Variants in ZER1 observed in about 807,000 individuals in gnomAD.
ZER1 encodes protein zer-1 homolog.
A neutral mutation model predicts 78.8 loss-of-function variants in ZER1; 11 were observed. That is an observed-to-expected ratio of 0.14 (90% CI 0.09 to 0.23). The LOEUF (loss-of-function observed/expected upper bound fraction) is 0.23, where lower values mean the gene tolerates loss of function less well. ZER1 is among the 10% of genes least tolerant of loss of function. The pLI is 1.00. For synonymous variants in ZER1, 400 were observed against 407.0 expected (o/e 0.98, Z 0.21); for missense variants, 588 against 996.9 (o/e 0.59, Z 5.52).
Position 128,753,993 on chromosome 9 carries a change from C to G in ZER1, c.159-34G>C, listed in dbSNP as rs1398127066. 2.6e-5 allele frequency: 40 copies of G among 1,562,168 alleles called. No homozygotes were observed. Among genetic ancestry groups the G allele is most frequent in the Non-Finnish European group, 3.5e-5 (40 of 1,152,922 alleles). On this transcript the variant is annotated intron_variant, in intron 2 of 15. Coordinates refer to ENST00000291900, the MANE Select transcript of ZER1 (RefSeq NM_006336.4). This position sits in a 1 kb window ranked among gnomAD's most constrained non-coding sequence, Gnocchi z 7.5. ...GAAAAAAGCCTGGCTCAGGAGAGGG[C>G]CACAGGGACTCTCATCCTCGCTTCA...
rs2132368322 is a variant in ZER1, at chr9:128,730,595, GGGCTTTCCACAGCCTGGGACCT to G, written c.*720_*741del. The G allele has an allele frequency of 6.5e-6, 1 of 152,880 alleles. No individual in the cohort carries two copies. The highest frequency in any genetic ancestry group is 2.1e-4 in the South Asian group (1 of 4,828). The allele number at this position is 152,880 out of a possible 1,614,324, so 9.5% of individuals were successfully genotyped here. ...CTGAGTTCTGACCATCCCTGGGCTGGGGCTTTCCACAGCCTGGGACCTGGTGGGAGACTAGGAGGCAGCCTCC... is the reference window on the plus strand; with the variant it reads ...CTGAGTTCTGACCATCCCTGGGCTGGGGTGGGAGACTAGGAGGCAGCCTCC... On this transcript the variant is annotated 3_prime_UTR_variant, in exon 16 of 16. Coordinates refer to ENST00000291900, the MANE Select transcript of ZER1 (RefSeq NM_006336.4).
At chr9:128,748,420 A>T (rs1320429061) in intron 8 of ZER1, among the ~76,000 whole-genome samples, 2 of 114,704 alleles carry the variant, frequency 1.7e-5, no homozygotes, top group African/African-American at 6.2e-5. Flanking sequence ...AAAAAAAAAA[A>T]TTAGTTGGGT....
At chr9:128,739,172 A>G in intron 13 of ZER1, among the ~76,000 whole-genome samples, 1 of 151,846 alleles carries the variant, frequency 6.6e-6, no homozygotes, top group Non-Finnish European at 1.5e-5. Context: ...TTTTTCGTAA[A>G]GAGGAAGTCT....
At chr9:128,748,863 T>A (rs73618066) in intron 8 of ZER1, among the ~76,000 whole-genome samples, 1 of 150,398 alleles carries the variant, frequency 6.6e-6, no homozygotes, top group Non-Finnish European at 1.5e-5. Flanking sequence ...TGAGCCACCG[T>A]GGCCAGCTAA....
chr9:128,748,441 A>G (rs1863570347), intron 8 of ZER1, among the ~76,000 whole-genome samples: 1 of 147,808 alleles, frequency 6.8e-6, no homozygotes, highest in Admixed American at 6.9e-5. Context: ...GTGGTGGTAC[A>G]TGCCTTGTTG....
At chr9:128,743,697 G>C (rs1863383636) in intron 8 of ZER1, among the ~76,000 whole-genome samples, 1 of 151,878 alleles carries the variant, frequency 6.6e-6, no homozygotes, top group Admixed American at 6.6e-5. Context: ...TGGGATTCTA[G>C]GCATGAGCAA....
At chr9:128,752,298 T>C (rs1863704895) in intron 5 of ZER1, among the ~76,000 whole-genome samples, 1 of 151,572 alleles carries the variant, frequency 6.6e-6, no homozygotes, top group African/African-American at 2.4e-5. Flanking sequence ...AGCACAGCAC[T>C]TGGCAGAGGG....
rs766261147 is a variant in ZER1, at chr9:128,750,570, G to A, written c.1359+46C>T. On this transcript the variant is annotated intron_variant, in intron 8 of 15. Coordinates refer to ENST00000291900, the MANE Select transcript of ZER1 (RefSeq NM_006336.4). ...AGCGGGACGCAAGAAGCAGGAAAGG[G>A]GTGGCTGGGCCAGAGCATGCGGGGC... is the stretch of plus-strand genomic sequence containing the variant. The A allele has an allele frequency of 1.5e-5, 24 of 1,599,122 alleles. 1 individual carries two copies. The Middle Eastern group carries it at 1.7e-3, about 111-fold the overall frequency.
intron 13 of ZER1, among the ~76,000 whole-genome samples, chr9:128,736,102 C>T (rs1437828227): frequency 6.6e-6 from 1 of 151,866 alleles, no homozygotes; most frequent in Non-Finnish European, 1.5e-5. Flanking sequence ...GCGCCTACCA[C>T]CAAACCCGGC....
chr9:128,737,512 T>G (rs1409349136), intron 13 of ZER1, among the ~76,000 whole-genome samples: 1 of 152,182 alleles, frequency 6.6e-6, no homozygotes, highest in Non-Finnish European at 1.5e-5. Flanking sequence ...AGAAAGTGAC[T>G]CCGTCCTAAA....
chr9:128,752,306 G>C (rs370884890), intron 5 of ZER1, among the ~76,000 whole-genome samples: 1 of 152,044 alleles, frequency 6.6e-6, no homozygotes, highest in East Asian at 1.9e-4. Flanking sequence ...ACTTGGCAGA[G>C]GGGTACTTGG....
In ZER1 at chr9:128,735,432, C is replaced by T; in HGVS notation, c.2043-1G>A. ...GAGGCGGAGAATTGGTTCAAATGACCTGCAGGAAAAGAAATCAAGGTCACT... is the reference window on the plus strand; with the variant it reads ...GAGGCGGAGAATTGGTTCAAATGACTTGCAGGAAAAGAAATCAAGGTCACT... On this transcript the variant is annotated splice_acceptor_variant, in intron 13 of 15. Coordinates refer to ENST00000291900, the MANE Select transcript of ZER1 (RefSeq NM_006336.4). LOFTEE classifies it high-confidence loss of function. 6.2e-7 allele frequency: 1 copy of T among 1,613,432 alleles called. No individual in the cohort carries two copies. Among genetic ancestry groups the T allele is most frequent in the East Asian group, 2.2e-5 (1 of 44,868 alleles).
At chr9:128,752,977 G>T in intron 4 of ZER1, 128 bp from the exon 5 acceptor site, 1 of 1,343,196 alleles carries the variant, frequency 7.4e-7, no homozygotes, top group Non-Finnish European at 1.0e-6. Flanking sequence ...AGGGCATTCT[G>T]GGAAGAAACC....
chr9:128,770,921 G>T (rs1017001599), intron 1 of ZER1, among the ~76,000 whole-genome samples: 2 of 152,174 alleles, frequency 1.3e-5, no homozygotes, highest in African/African-American at 4.8e-5. Context: ...TGTATTTCCA[G>T]CACTTTTGGA....
intron 8 of ZER1, among the ~76,000 whole-genome samples, chr9:128,744,162 G>T (rs544526388): frequency 6.6e-6 from 1 of 152,150 alleles, no homozygotes; most frequent in Admixed American, 6.5e-5. Context: ...CTCCCAAAGT[G>T]CTGGGATTAC....
rs977416512 is a variant in ZER1 at position 128,758,495 on chromosome 9, T to C, written c.-94-2836A>G. Among the ~76,000 whole-genome samples, 4 of 151,330 alleles carry C rather than the reference T, an allele frequency of 2.6e-5. No homozygotes were observed. In the South Asian group the frequency reaches 8.4e-4, roughly 32 times the overall value. ...GTGCAGTGGTGTGATCTTGGCTCAC[T>C]GCACCCTCTATTTCCCAGGCTCAAG... On this transcript the variant is annotated intron_variant, in intron 1 of 15. Coordinates refer to ENST00000291900, the MANE Select transcript of ZER1 (RefSeq NM_006336.4).
chr9:128,758,982 T>C (rs1863952746), intron 1 of ZER1, among the ~76,000 whole-genome samples: 2 of 152,020 alleles, frequency 1.3e-5, no homozygotes, highest in Admixed American at 6.6e-5. Context: ...TCATGATGTG[T>C]GTACTTTTTC....
Position 128,755,653 on chromosome 9 carries a change from C to A in ZER1, c.-88G>T. On this transcript the variant is annotated 5_prime_UTR_variant, in exon 2 of 16. Coordinates refer to ENST00000291900, the MANE Select transcript of ZER1 (RefSeq NM_006336.4). The surrounding 1 kb of genome is among the most constrained non-coding windows in gnomAD (Gnocchi z 5.6). ...AATACTCACAGGATCATTGGCAGAGCCACTGCCTGGGGAGTGGACAAGATG... is the reference window on the plus strand; with the variant it reads ...AATACTCACAGGATCATTGGCAGAGACACTGCCTGGGGAGTGGACAAGATG... The A allele has an allele frequency of 1.3e-6, 2 of 1,529,382 alleles. No individual in the cohort carries two copies. The highest frequency in any genetic ancestry group is 1.2e-5 in the South Asian group (1 of 83,684). The allele number at this position is 1,529,382 out of a possible 1,614,324, so 94.7% of individuals were successfully genotyped here. A position where few individuals can be genotyped will look rare whatever the true frequency, so the allele number is the denominator to read the frequency against.
rs200524663 is a variant in ZER1, at chr9:128,741,783, G to A, written c.1617+17C>T. The A allele has an allele frequency of 5.0e-6, 8 of 1,614,172 alleles. No individual in the cohort carries two copies. Among genetic ancestry groups the A allele is most frequent in the African/African-American group, 2.7e-5 (2 of 75,048 alleles). On this transcript the variant is annotated intron_variant, in intron 10 of 15. Coordinates refer to ENST00000291900, the MANE Select transcript of ZER1 (RefSeq NM_006336.4). ...GGTGGGGAAAGGGTAGCGTGGCTTC[G>A]TGAAGACTTGACTTACTGTCTTGTC... is the stretch of plus-strand genomic sequence containing the variant.
Sources: allele counts gnomAD v4.1 joint callset (sites outside exome capture counted in the v4.1 genomes callset), GRCh38; gene constraint gnomAD v4.1.1; non-coding constraint Gnocchi (gnomAD v3.1); transcripts MANE v1.5; gene names NCBI Gene and HGNC (gene_info 2026-07-23, HGNC 2026-07-21).